Variants in PTPRT observed in about 807,000 individuals in gnomAD.
The protein encoded by PTPRT is protein tyrosine phosphatase receptor type T.
In PTPRT, 56 loss-of-function variants were observed where a neutral mutation model predicts 176.8. The observed-to-expected ratio is 0.32, with a 90% CI of 0.26 to 0.40. The LOEUF is 0.40. PTPRT is among the 10% of genes least tolerant of loss of function. The pLI is 1.00. For synonymous variants in PTPRT, 783 were observed against 739.0 expected (o/e 1.06, Z -0.96); for missense variants, 1,540 against 1,908.2 (o/e 0.81, Z 3.60).
At chr20:42,529,635 T>G (rs2072343386) in intron 7 of PTPRT, among the ~76,000 whole-genome samples, 1 of 151,944 alleles carries the variant, frequency 6.6e-6, no homozygotes, top group African/African-American at 2.4e-5. Context: ...TACAAGCATG[T>G]GCCACCATGC....
At chr20:42,102,082 C>T (rs1381939661) in intron 26 of PTPRT, 42 bp downstream of exon 26, 6 of 1,595,152 alleles carry the variant, frequency 3.8e-6, no homozygotes, top group African/African-American at 1.3e-5. Flanking sequence ...AATATTTGCC[C>T]TAGAATGCCA....
chr20:42,500,314 G>C (rs6124468), intron 7 of PTPRT, among the ~76,000 whole-genome samples: 1 of 151,682 alleles, frequency 6.6e-6, no homozygotes, highest in African/African-American at 2.4e-5. Context: ...TCTTTATGCC[G>C]GTCTACTCAC....
chr20:42,404,972 TTA>T (rs200602736), intron 9 of PTPRT, among the ~76,000 whole-genome samples: 19 of 77,926 alleles, frequency 2.4e-4, no homozygotes, highest in East Asian at 8.5e-4. Flanking sequence ...GGCCAATTAA[TTA>T]TATATATATA....
intron 1 of PTPRT, among the ~76,000 whole-genome samples, chr20:43,154,053 A>G (rs1487435267): frequency 6.6e-6 from 1 of 152,194 alleles, no homozygotes; most frequent in East Asian, 1.9e-4. Flanking sequence ...CAAGTAGTAA[A>G]TCCATTAATA....
chr20:42,036,984 T>C, the PTPRT span, among the ~76,000 whole-genome samples: 3 of 152,174 alleles, frequency 2.0e-5, no homozygotes, highest in African/African-American at 4.8e-5. Context: ...TGATCACTCA[T>C]TTGTGATAGC....
intron 7 of PTPRT, among the ~76,000 whole-genome samples, chr20:42,497,605 C>A (rs182968735): frequency 3.3e-5 from 5 of 151,966 alleles, no homozygotes; most frequent in African/African-American, 1.2e-4. Flanking sequence ...TTTTTTTAAA[C>A]GAAATCTTTT....
At chr20:42,663,621 G>A (rs146375740) in intron 7 of PTPRT, among the ~76,000 whole-genome samples, 1 of 152,196 alleles carries the variant, frequency 6.6e-6, no homozygotes, top group African/African-American at 2.4e-5. Context: ...GGGGAGTTCT[G>A]GTCAATACTT....
intron 7 of PTPRT, among the ~76,000 whole-genome samples, chr20:42,658,139 T>G (rs1361783274): frequency 6.6e-6 from 1 of 152,182 alleles, no homozygotes; most frequent in Non-Finnish European, 1.5e-5. Flanking sequence ...CCATGGCTCC[T>G]AGGAGAAATA....
At chr20:43,063,501 G>C (rs1274861109) in intron 1 of PTPRT, 4 of 152,150 alleles carry the variant, frequency 2.6e-5, no homozygotes, top group Admixed American at 2.6e-4. Context: ...GAGAGAGTAG[G>C]ACCAGTCTTC....
chr20:42,932,704 G>C (rs1230947248), intron 1 of PTPRT, among the ~76,000 whole-genome samples: 1 of 152,210 alleles, frequency 6.6e-6, no homozygotes, highest in East Asian at 1.9e-4. Flanking sequence ...ACCAGCCCAG[G>C]CTCTGGCGGG....
At chr20:42,879,327 G>A (rs892726326) in intron 2 of PTPRT, among the ~76,000 whole-genome samples, 1 of 152,206 alleles carries the variant, frequency 6.6e-6, no homozygotes, top group South Asian at 2.1e-4. Context: ...CCTGACTTCT[G>A]GTTTCTGTTG....
At chr20:42,161,299 C>A (rs1464605092) in intron 17 of PTPRT, 53 bp downstream of exon 17, 2 of 1,601,716 alleles carry the variant, frequency 1.2e-6, no homozygotes, top group African/African-American at 2.7e-5. Flanking sequence ...GCTTTAGTGC[C>A]CAAATAAGCC....
chr20:42,439,663 G>C (rs1008315603), intron 9 of PTPRT, among the ~76,000 whole-genome samples: 3 of 152,196 alleles, frequency 2.0e-5, no homozygotes, highest in Admixed American at 6.5e-5. Context: ...TTACATATCA[G>C]AGGAGACCGA....
chr20:42,734,717 TCCA>T (rs1299321680), intron 6 of PTPRT, among the ~76,000 whole-genome samples: 2 of 152,228 alleles, frequency 1.3e-5, no homozygotes, highest in African/African-American at 4.8e-5. Flanking sequence ...CTCAGTTAGC[TCCA>T]GGCTGTGTTT....
At chr20:42,693,486 T>A (rs973268798) in intron 6 of PTPRT, among the ~76,000 whole-genome samples, 1 of 152,058 alleles carries the variant, frequency 6.6e-6, no homozygotes, top group Admixed American at 6.6e-5. Flanking sequence ...ATTAAGAAAA[T>A]GAGGTATTAA....
rs1569022389 is a variant in PTPRT at position 42,618,143 on chromosome 20, T to C, written c.1153+59723A>G. 1.5e-5 allele frequency among the ~76,000 whole-genome samples: 2 copies of C among 133,772 alleles called. 1 individual carries two copies. Among genetic ancestry groups the C allele is most frequent in the South Asian group, 4.6e-4 (2 of 4,322 alleles). The allele number at this position is 133,772 out of a possible 152,430, so 87.8% of individuals were successfully genotyped here. On this transcript the variant is annotated intron_variant, in intron 7 of 30. Coordinates refer to ENST00000373187, the MANE Select transcript of PTPRT (RefSeq NM_007050.6). ...CCAGAGATTCTGGTATGTCGTGTCT[T>C]TGTTCTCGTTGGTTTCAAAGAACAT...
chr20:42,789,479 T>C (rs2077341824), intron 3 of PTPRT, among the ~76,000 whole-genome samples: 1 of 152,196 alleles, frequency 6.6e-6, no homozygotes, highest in Non-Finnish European at 1.5e-5. Context: ...TTCTGAGCCT[T>C]CGTTTCATCA....
At chr20:42,301,757 A>G (rs2057471372) in intron 12 of PTPRT, among the ~76,000 whole-genome samples, 1 of 152,222 alleles carries the variant, frequency 6.6e-6, no homozygotes, top group South Asian at 2.1e-4. Context: ...GAGCTTATTA[A>G]CATTCTTTAC....
intron 11 of PTPRT, among the ~76,000 whole-genome samples, chr20:42,334,272 C>A (rs767878938): frequency 9.9e-5 from 15 of 152,140 alleles, no homozygotes; most frequent in Non-Finnish European, 2.1e-4. Flanking sequence ...GACCCCCACT[C>A]ACTAACTAGA....
Sources: gnomAD v4.1 joint callset for allele counts (sites outside exome capture counted in the v4.1 genomes callset) on GRCh38, gnomAD v4.1.1 for gene constraint, MANE v1.5 for transcripts, NCBI Gene and HGNC (gene_info 2026-07-23, HGNC 2026-07-21) for gene names.